The following OR7E24 variants were observed in gnomAD, a reference collection of about 807,000 sequenced individuals.
OR7E24 encodes the protein olfactory receptor 7E24.
For synonymous variants in OR7E24, 130 were observed against 157.5 expected (o/e 0.83, Z 1.31); for missense variants, 385 against 410.3 (o/e 0.94, Z 0.53).
At chr19:9,236,473 GCACTC>G in the OR7E24 span, among the ~76,000 whole-genome samples, 1 of 151,888 alleles carries the variant, frequency 6.6e-6, no homozygotes. Context: ...TAGCACCACT[GCACTC>G]CAGTCTGGGT....
the OR7E24 span, among the ~76,000 whole-genome samples, chr19:9,232,990 A>AC: frequency 6.6e-6 from 1 of 151,498 alleles, no homozygotes; most frequent in South Asian, 2.1e-4. Flanking sequence ...TCACGCTCTG[A>AC]CCCCCCTAAC....
At chr19:9,218,660 C>T in the OR7E24 span, among the ~76,000 whole-genome samples, 1 of 152,012 alleles carries the variant, frequency 6.6e-6, no homozygotes, top group African/African-American at 2.4e-5. Context: ...GACATGGTGT[C>T]ACTTTGTCAC....
chr19:9,247,765 A>T (rs2144939230), upstream of OR7E24, among the ~76,000 whole-genome samples: 1 of 152,320 alleles, frequency 6.6e-6, no homozygotes, highest in African/African-American at 2.4e-5. Context: ...GGTTTCACCA[A>T]AACTTGACAG....
chr19:9,234,168 G>T, the OR7E24 span, among the ~76,000 whole-genome samples: 1 of 152,098 alleles, frequency 6.6e-6, no homozygotes, highest in Non-Finnish European at 1.5e-5. Context: ...TCCCAAGGTG[G>T]TGGGATTACA....
chr19:9,219,841 C>T, the OR7E24 span, among the ~76,000 whole-genome samples: 1 of 152,112 alleles, frequency 6.6e-6, no homozygotes, highest in Non-Finnish European at 1.5e-5. Flanking sequence ...GATTTATTTC[C>T]CCCAAGAAGA....
At chr19:9,236,417 G>A in the OR7E24 span, among the ~76,000 whole-genome samples, 5 of 152,028 alleles carry the variant, frequency 3.3e-5, no homozygotes, top group Admixed American at 1.3e-4. Context: ...GGCTGAGGCA[G>A]GAGAATCGCT....
At chr19:9,219,931 G>A in the OR7E24 span, among the ~76,000 whole-genome samples, 2 of 152,238 alleles carry the variant, frequency 1.3e-5, no homozygotes, top group South Asian at 4.2e-4. Flanking sequence ...CTAAACTCAG[G>A]AATCATCTCC....
chr19:9,240,500 G>T, the OR7E24 span, among the ~76,000 whole-genome samples: 1 of 152,066 alleles, frequency 6.6e-6, no homozygotes, highest in Non-Finnish European at 1.5e-5. Flanking sequence ...CCCACTGTGT[G>T]TTCTCGGCAT....
chr19:9,242,688 G>GTGA (rs757303487), upstream of OR7E24, among the ~76,000 whole-genome samples: 1 of 152,214 alleles, frequency 6.6e-6, no homozygotes, highest in Non-Finnish European at 1.5e-5. Context: ...CATAAGAACA[G>GTGA]TGATGTGATT....
At chr19:9,230,450 C>T in the OR7E24 span, among the ~76,000 whole-genome samples, 7 of 152,044 alleles carry the variant, frequency 4.6e-5, no homozygotes, top group Non-Finnish European at 8.8e-5. Flanking sequence ...AGCCTCTTTC[C>T]GGGAACAGTT....
the OR7E24 span, chr19:9,214,685 A>C: frequency 6.2e-7 from 1 of 1,614,170 alleles, no homozygotes; most frequent in South Asian, 1.1e-5. Context: ...GGTGGGAGTC[A>C]GAGCTGACGG....
At chr19:9,231,212 C>G in the OR7E24 span, among the ~76,000 whole-genome samples, 2 of 152,124 alleles carry the variant, frequency 1.3e-5, no homozygotes, top group African/African-American at 4.8e-5. Flanking sequence ...TGTCAGCCAC[C>G]ACTCCCGGCC....
chr19:9,227,978 C>T, the OR7E24 span, among the ~76,000 whole-genome samples: 3 of 151,142 alleles, frequency 2.0e-5, no homozygotes, highest in African/African-American at 7.3e-5. Context: ...TGGTCTCGAT[C>T]TCCTGACCTC....
chr19:9,247,646 G>C, upstream of OR7E24: 1 of 397,656 alleles, frequency 2.5e-6, no homozygotes, highest in Non-Finnish European at 4.4e-6. Context: ...TTATGTTCGG[G>C]GTTTATTTTC....
the OR7E24 span, among the ~76,000 whole-genome samples, chr19:9,239,707 C>CTTCTTTTT: frequency 2.4e-5 from 3 of 123,026 alleles, no homozygotes; most frequent in African/African-American, 9.7e-5. Context: ...TTTTCTTTTT[C>CTTCTTTTT]TTTTTTTTTT....
At chr19:9,245,814 T>C (rs373780498), upstream of OR7E24, among the ~76,000 whole-genome samples, 2 of 152,108 alleles carry the variant, frequency 1.3e-5, no homozygotes, top group Non-Finnish European at 2.9e-5. Context: ...TTGCGTTCCT[T>C]GGGCCCAGTC....
At chr19:9,218,886 G>A in the OR7E24 span, among the ~76,000 whole-genome samples, 25 of 151,908 alleles carry the variant, frequency 1.6e-4, no homozygotes, top group African/African-American at 3.6e-4. Context: ...TGCCCGCCTC[G>A]GCCTCCCAAA....
chr19:9,235,630 A>G, the OR7E24 span: 1 of 1,580,586 alleles, frequency 6.3e-7, no homozygotes, highest in Non-Finnish European at 8.7e-7. Context: ...TATTCTACTG[A>G]TGAAGAGGCT....
At chr19:9,229,181 T>C in the OR7E24 span, among the ~76,000 whole-genome samples, 41 of 152,318 alleles carry the variant, frequency 2.7e-4, no homozygotes, top group African/African-American at 9.4e-4. Context: ...CCAAAGTTTC[T>C]TCAAGGGAGG....
Sources: allele counts gnomAD v4.1 joint callset (sites outside exome capture counted in the v4.1 genomes callset), GRCh38; gene constraint gnomAD v4.1.1; transcripts MANE v1.5; gene names NCBI Gene and HGNC (gene_info 2026-07-23, HGNC 2026-07-21).